The following COCH variants were observed in gnomAD, a reference collection of about 807,000 sequenced individuals.
The protein encoded by COCH is coagulation factor C homolog, cochlin (Limulus polyphemus).
In COCH, 40 loss-of-function variants were observed where a neutral mutation model predicts 54.8. The ratio of observed to expected loss-of-function variants is 0.73; its 90% confidence interval spans 0.57 to 0.95. The LOEUF (loss-of-function observed/expected upper bound fraction) is 0.95, where lower values mean the gene tolerates loss of function less well. COCH is among the 40% of genes least tolerant of loss of function. The pLI is 0.00. For missense variants in COCH, 605 were observed against 675.0 expected (o/e 0.90, Z 1.15); for synonymous variants, 256 against 237.9 (o/e 1.08, Z -0.70).
At chr14:30,890,794 T>A (rs1237261095), downstream of COCH, among the ~76,000 whole-genome samples, 2 of 152,092 alleles carry the variant, frequency 1.3e-5, no homozygotes, top group East Asian at 3.9e-4. Context: ...TCCCAGCACT[T>A]TGGGAGGCTG....
chr14:30,882,849 A>T (rs1206347167), intron 8 of COCH, among the ~76,000 whole-genome samples: 1 of 152,076 alleles, frequency 6.6e-6, no homozygotes. Context: ...TGATGGCACC[A>T]CTCTACTCCA....
downstream of COCH, among the ~76,000 whole-genome samples, chr14:30,893,593 T>A (rs1896050320): frequency 6.6e-6 from 1 of 152,202 alleles, no homozygotes; most frequent in Non-Finnish European, 1.5e-5. Flanking sequence ...TGTAACAGGA[T>A]GTCTAAGCAA....
rs1211466846 is a variant in COCH, at chr14:30,889,948, G to A, written c.*157G>A. 7.2e-6 allele frequency: 10 copies of A among 1,390,042 alleles called. No individual in the cohort carries two copies. The highest frequency in any genetic ancestry group is 3.0e-5 in the Admixed American group (1 of 33,282). 86.1% of individuals were successfully genotyped at this position (1,390,042 alleles called of 1,614,324 possible). A position where few individuals can be genotyped will look rare whatever the true frequency, so the allele number is the denominator to read the frequency against. Reference sequence around the variant, plus strand: ...GGCAAATAAGCACTCCTTTAAAGCCGCTGCCTTCTGGTTACAATTTACAGT... The same window carrying A: ...GGCAAATAAGCACTCCTTTAAAGCCACTGCCTTCTGGTTACAATTTACAGT... On this transcript the variant is annotated 3_prime_UTR_variant, in exon 12 of 12. Coordinates refer to ENST00000396618, the MANE Select transcript of COCH (RefSeq NM_004086.3).
chr14:30,895,078 AAGAAGAAGAAGAAGAG>A (rs1896102578), downstream of COCH: 1 of 184,870 alleles, frequency 5.4e-6, no homozygotes, highest in African/African-American at 3.2e-5. Flanking sequence ...AAAAAAAAAA[AAGAAGAAGAAGAAGAG>A]AAAAAAAAAA....
At chr14:30,895,485 C>G (rs1402642587), downstream of COCH, 1 of 1,614,106 alleles carries the variant, frequency 6.2e-7, no homozygotes, top group Admixed American at 1.7e-5. Context: ...AAAGCAACAT[C>G]ATAAATTGAT....
chr14:30,881,125 G>A (rs1895565654), intron 8 of COCH, among the ~76,000 whole-genome samples: 1 of 148,076 alleles, frequency 6.8e-6, no homozygotes, highest in Admixed American at 7.0e-5. Flanking sequence ...TGAGGCAGGA[G>A]AATCACTTGG....
chr14:30,881,132 T>G (rs1594376820), intron 8 of COCH, among the ~76,000 whole-genome samples: 1 of 151,030 alleles, frequency 6.6e-6, no homozygotes, highest in East Asian at 1.9e-4. Context: ...GGAGAATCAC[T>G]TGGACTCGGG....
At chr14:30,885,286 A>T in intron 9 of COCH, 108 bp from the exon 10 acceptor site, 19 of 908,360 alleles carry the variant, frequency 2.1e-5, no homozygotes, top group Non-Finnish European at 3.0e-5. Context: ...CCCCACTGCC[A>T]GTTCTATATA....
At chr14:30,895,517 G>A, downstream of COCH, 3 of 1,614,062 alleles carry the variant, frequency 1.9e-6, no homozygotes, top group Non-Finnish European at 2.5e-6. Context: ...CTTTCTGTGA[G>A]CTGTTATTTC....
At chr14:30,892,761 C>T (rs554649328), downstream of COCH, among the ~76,000 whole-genome samples, 24 of 151,884 alleles carry the variant, frequency 1.6e-4, no homozygotes, top group African/African-American at 5.3e-4. Context: ...GTGCCGAGAT[C>T]GCACCATTGC....
downstream of COCH, chr14:30,893,893 CAATTT>C (rs1179685909): frequency 1.3e-5 from 2 of 152,534 alleles, no homozygotes; most frequent in African/African-American, 2.4e-5. Flanking sequence ...TACAGGTACA[CAATTT>C]AATATTTATT....
At chr14:30,892,844 T>C (rs924483429), downstream of COCH, among the ~76,000 whole-genome samples, 1 of 152,058 alleles carries the variant, frequency 6.6e-6, no homozygotes, top group African/African-American at 2.4e-5. Context: ...TGAAAAGTTT[T>C]AGATTTTCGT....
chr14:30,880,956 G>A (rs966901493), intron 8 of COCH, among the ~76,000 whole-genome samples: 3 of 152,146 alleles, frequency 2.0e-5, no homozygotes, highest in Admixed American at 6.6e-5. Context: ...GCTCACGCCT[G>A]TAATTCCAGC....
intron 5 of COCH, among the ~76,000 whole-genome samples, 198 bp from the exon 6 acceptor site, chr14:30,879,225 A>C (rs1260833054): frequency 3.3e-5 from 5 of 152,206 alleles, no homozygotes; most frequent in Admixed American, 2.0e-4. Flanking sequence ...AAAAACTACT[A>C]AATACATTTT....
In COCH at chr14:30,885,815, G is replaced by T. The variant is rs1476608264; in HGVS notation, c.980G>T (p.Gly327Val). The T allele has an allele frequency of 3.1e-6, 5 of 1,613,890 alleles. No individual in the cohort carries two copies. Among genetic ancestry groups the T allele is most frequent in the Admixed American group, 1.7e-5 (1 of 59,992 alleles). ...FVDKAVCRNN[G>V]FFSYHMPNWF... ...CATTAGGCTGTCTGTCGGAATAATG[G>T]CTTCTTCTCTTACCACATGCCCAAC... Residue 327 changes from glycine to valine, a missense_variant, in exon 11 of 12, where the codon GGC (glycine) becomes GTC (valine). Physicochemically the swap from Gly to Val is moderately radical, Grantham distance 109. Coordinates refer to ENST00000396618, the MANE Select transcript of COCH (RefSeq NM_004086.3).
chr14:30,885,630 T>C lies in COCH; in HGVS notation c.960+10T>C, dbSNP rs1280095259. ...CACATTTGTTGACAAGGTAAAGTGG[T>C]GAGGGTTATCTTCTGTTACAGTGAT... On this transcript the variant is annotated intron_variant, in intron 10 of 11. Transcript: ENST00000396618. 2 of 1,551,962 alleles carry C rather than the reference T, an allele frequency of 1.3e-6. No individual in the cohort carries two copies. The highest frequency in any genetic ancestry group is 1.4e-5 in the African/African-American group (1 of 73,640).
chr14:30,880,356 G>A (rs1895528828), intron 6 of COCH, 96 bp from the exon 7 acceptor site: 3 of 1,552,980 alleles, frequency 1.9e-6, no homozygotes, highest in Admixed American at 1.9e-5. Context: ...GTCCTTTCAA[G>A]AATGGCACTC....
At chr14:30,882,041 T>C (rs967397008) in intron 8 of COCH, among the ~76,000 whole-genome samples, 2 of 148,834 alleles carry the variant, frequency 1.3e-5, no homozygotes, top group African/African-American at 4.9e-5. Context: ...ATGCTCATTA[T>C]AGAAAGCTTG....
chr14:30,883,463 A>G (rs1387802758), intron 8 of COCH, among the ~76,000 whole-genome samples: 1 of 152,252 alleles, frequency 6.6e-6, no homozygotes, highest in Non-Finnish European at 1.5e-5. Context: ...AGAACAGAAT[A>G]TATCAAGGAT....
Sources: allele counts gnomAD v4.1 joint callset (sites outside exome capture counted in the v4.1 genomes callset), GRCh38; gene constraint gnomAD v4.1.1; transcripts MANE v1.5; gene names NCBI Gene and HGNC (gene_info 2026-07-23, HGNC 2026-07-21).